Variants in SEMA6D observed in about 807,000 individuals in gnomAD.
The protein encoded by SEMA6D is semaphorin 6D.
SEMA6D carries 35 observed loss-of-function variants against 106.6 expected under a neutral mutation model. The observed-to-expected ratio is 0.33, with a 90% confidence interval of 0.25 to 0.44. The LOEUF (loss-of-function observed/expected upper bound fraction) is 0.44. SEMA6D is among the 20% of genes least tolerant of loss of function. The probability of loss-of-function intolerance (pLI) is 1.00; values close to 1 mark genes in which losing one functional copy is unlikely to be tolerated. For missense variants in SEMA6D, 1,185 were observed against 1,345.9 expected, an observed-to-expected ratio of 0.88 and a Z score of 1.87; for synonymous variants, 499 against 487.7, an observed-to-expected ratio of 1.02 and a Z score of -0.31.
intron 1 of SEMA6D, among the ~76,000 whole-genome samples, chr15:47,186,576 T>G (rs550041243): frequency 6.6e-5 from 10 of 152,294 alleles, no homozygotes; most frequent in Admixed American, 5.9e-4. Flanking sequence ...CTCTATTATT[T>G]TACATTTTCA....
intron 4 of SEMA6D, among the ~76,000 whole-genome samples, chr15:47,674,608 G>T (rs995600866): frequency 1.3e-5 from 2 of 152,096 alleles, no homozygotes; most frequent in Non-Finnish European, 2.9e-5. Flanking sequence ...AGGGTTCTGC[G>T]TATCACCACT....
chr15:47,468,565 A>C (rs1425582591), intron 2 of SEMA6D, among the ~76,000 whole-genome samples: 1 of 152,192 alleles, frequency 6.6e-6, no homozygotes, highest in Non-Finnish European at 1.5e-5. Flanking sequence ...ACGTGGAGCG[A>C]GTTCACAGCA....
At chr15:47,519,730 A>C (rs983700400) in intron 3 of SEMA6D, among the ~76,000 whole-genome samples, 2 of 152,216 alleles carry the variant, frequency 1.3e-5, no homozygotes, top group African/African-American at 2.4e-5. Flanking sequence ...ACAATGTATA[A>C]GGCTCTCATT....
chr15:47,730,036 C>T, intron 1 of SEMA6D: 1 of 599,252 alleles, frequency 1.7e-6, no homozygotes, highest in Non-Finnish European at 2.9e-6. Context: ...TCCCTTAATG[C>T]TATGTTTATC....
chr15:47,273,103 T>G (rs764419047), intron 1 of SEMA6D, among the ~76,000 whole-genome samples: 35 of 152,210 alleles, frequency 2.3e-4, no homozygotes, highest in Non-Finnish European at 4.7e-4. Context: ...ATTGTTTGTT[T>G]CACTACTTTG....
At chr15:47,485,481 C>T (rs1351272337) in intron 3 of SEMA6D, among the ~76,000 whole-genome samples, 2 of 151,950 alleles carry the variant, frequency 1.3e-5, no homozygotes, top group Non-Finnish European at 2.9e-5. Flanking sequence ...AAATATTTTG[C>T]AGAGAGAGTG....
chr15:47,446,597 T>C (rs2042036915), intron 2 of SEMA6D, among the ~76,000 whole-genome samples: 1 of 152,132 alleles, frequency 6.6e-6, no homozygotes, highest in Admixed American at 6.6e-5. Flanking sequence ...AGCGGGTGTT[T>C]AGTTACTAAT....
At chr15:47,212,304 C>T (rs2030105589) in intron 1 of SEMA6D, among the ~76,000 whole-genome samples, 1 of 152,156 alleles carries the variant, frequency 6.6e-6, no homozygotes, top group Non-Finnish European at 1.5e-5. Flanking sequence ...TATCTATTCC[C>T]TCATCACTTT....
intron 1 of SEMA6D, among the ~76,000 whole-genome samples, chr15:47,212,191 A>G (rs1023316381): frequency 3.3e-5 from 5 of 152,216 alleles, no homozygotes; most frequent in Non-Finnish European, 5.9e-5. Flanking sequence ...CTTAGGAAAA[A>G]TTTAGGACAT....
intron 4 of SEMA6D, among the ~76,000 whole-genome samples, chr15:47,633,866 C>T (rs1472723853): frequency 2.6e-5 from 4 of 152,098 alleles, no homozygotes; most frequent in African/African-American, 9.7e-5. Context: ...ATTGAGTTGT[C>T]CTCAAGTTCA....
intron 1 of SEMA6D, among the ~76,000 whole-genome samples, chr15:47,740,828 A>G (rs947238089): frequency 2.0e-5 from 3 of 152,148 alleles, no homozygotes; most frequent in Non-Finnish European, 4.4e-5. Flanking sequence ...GTCTAGGGTG[A>G]CAGGGAAGAG....
In SEMA6D at chr15:47,380,218, A is replaced by G. The variant is rs1278137916; in HGVS notation, c.-238-32175A>G. Among the ~76,000 whole-genome samples the G allele has an allele frequency of 2.0e-5, 3 of 152,330 alleles. No individual in the cohort carries two copies. The East Asian group carries it at 5.8e-4, about 29-fold the overall frequency. ...AGCATTTTCTTTTAACTTCAAACCT[A>G]TAAACATACACCCGATGACAAATTT... On this transcript the variant is annotated intron_variant, in intron 1 of 19. Transcript: ENST00000558014.
intron 2 of SEMA6D, among the ~76,000 whole-genome samples, chr15:47,418,056 C>T (rs1307737907): frequency 6.6e-6 from 1 of 151,170 alleles, no homozygotes; most frequent in Non-Finnish European, 1.5e-5. Flanking sequence ...TAGATGTGTG[C>T]AAAAAGAAAA....
intron 3 of SEMA6D, among the ~76,000 whole-genome samples, chr15:47,528,895 C>T (rs1243850742): frequency 6.6e-6 from 1 of 152,164 alleles, no homozygotes; most frequent in African/African-American, 2.4e-5. Context: ...GAATAATAGC[C>T]TACTATTGTC....
intron 1 of SEMA6D, among the ~76,000 whole-genome samples, chr15:47,360,586 A>T (rs938635584): frequency 1.3e-5 from 2 of 152,218 alleles, no homozygotes; most frequent in Admixed American, 1.3e-4. Context: ...GCATAAGGTG[A>T]GAAAATTGAT....
chr15:47,697,472 G>A (rs2078724556), intron 4 of SEMA6D, among the ~76,000 whole-genome samples: 1 of 152,100 alleles, frequency 6.6e-6, no homozygotes, highest in African/African-American at 2.4e-5. Context: ...CTCCCACTAA[G>A]AAAGGCTGTA....
rs1438129215 is a variant in SEMA6D, at chr15:47,677,113, AC to A, written c.-55+76220del. Among the ~76,000 whole-genome samples the A allele has an allele frequency of 2.6e-5, 4 of 152,128 alleles. No individual in the cohort carries two copies. The South Asian group carries it at 8.3e-4, about 32-fold the overall frequency. On this transcript the variant is annotated intron_variant, in intron 4 of 19. Transcript: ENST00000558014. ...AGAGCTCAGGTGATAATGCTCGCTCACCCACCACTCACCTCCTCCTGTGTGG... is the reference window on the plus strand; with the variant it reads ...AGAGCTCAGGTGATAATGCTCGCTCACCACCACTCACCTCCTCCTGTGTGG...
chr15:47,660,152 G>A (rs183136453), intron 4 of SEMA6D, among the ~76,000 whole-genome samples: 1 of 150,836 alleles, frequency 6.6e-6, no homozygotes. Context: ...AATCAAAAGT[G>A]TCTGCCTTAG....
At position 47,721,480 on chromosome 15, in the gene SEMA6D, G is replaced by GA. The variant is rs35050192; in HGVS notation, c.-55+3797dup. Among the ~76,000 whole-genome samples the GA allele has an allele frequency of 3.1e-3, 471 of 151,202 alleles. 2 individuals carry two copies. The highest frequency in any genetic ancestry group is 0.011 in the African/African-American group (455 of 41,194). ...GAACAGCTGCCAACTTCCAATTGGG[G>GA]AAAAAAAAAGTGTTCTGATTTATTC... On this transcript the variant is annotated intron_variant, in intron 1 of 18. Transcript: ENST00000536845.
Sources: allele counts gnomAD v4.1 joint callset (sites outside exome capture counted in the v4.1 genomes callset), GRCh38; gene constraint gnomAD v4.1.1; transcripts MANE v1.5; gene names NCBI Gene and HGNC (gene_info 2026-07-23, HGNC 2026-07-21).